Variants in ARHGAP31 observed in about 807,000 individuals in gnomAD.
ARHGAP31 encodes the protein Rho GTPase activating protein 31, also known as rho GTPase-activating protein 31.
In ARHGAP31, 34 loss-of-function variants were observed where a neutral mutation model predicts 113.9. The observed-to-expected ratio is 0.30, with a 90% CI of 0.23 to 0.40. ARHGAP31 has a LOEUF of 0.40. ARHGAP31 is among the 10% of genes least tolerant of loss of function. The pLI, the probability that ARHGAP31 is intolerant of heterozygous loss-of-function variation, is 1.00. For synonymous variants in ARHGAP31, 650 were observed against 684.8 expected (o/e 0.95, Z 0.79); for missense variants, 1,548 against 1,767.1 (o/e 0.88, Z 2.22).
intron 1 of ARHGAP31, among the ~76,000 whole-genome samples, chr3:119,309,875 C>T (rs552695491): frequency 2.0e-5 from 3 of 151,722 alleles, no homozygotes; most frequent in South Asian, 4.2e-4. Context: ...CACCATTTAG[C>T]GAGAGCACTT....
At chr3:119,334,222 T>G (rs1222747999) in intron 1 of ARHGAP31, among the ~76,000 whole-genome samples, 1 of 152,118 alleles carries the variant, frequency 6.6e-6, no homozygotes, top group African/African-American at 2.4e-5. Flanking sequence ...ATCTCCTGTT[T>G]GGCTTGCCGT....
intron 1 of ARHGAP31, among the ~76,000 whole-genome samples, chr3:119,334,841 C>T (rs77175540): frequency 0.019 from 2,905 of 152,248 alleles, 61 homozygotes; most frequent in East Asian, 0.11. Context: ...AACTGAGGCC[C>T]AGAGAAGTTA....
Position 119,415,505 on chromosome 3 carries a change from C to G in ARHGAP31, c.3576C>G (p.Val1192=), listed in dbSNP as rs1322254665. 2 of 1,614,014 alleles carry G rather than the reference C, an allele frequency of 1.2e-6. No individual in the cohort carries two copies. Among genetic ancestry groups the G allele is most frequent in the African/African-American group, 1.3e-5 (1 of 74,926 alleles). Residue 1192 remains valine (V), a synonymous_variant, in exon 12 of 12, where the codon GTC becomes GTG. Transcript: ENST00000264245. ...SVSAVRTSFM[V]KMCQARAVPV... ...CAGCTGTGAGAACCTCCTTCATGGT[C>G]AAAATGTGCCAGGCCAGGGCGGTCC...
intron 1 of ARHGAP31, among the ~76,000 whole-genome samples, chr3:119,361,253 A>T (rs2080203624): frequency 6.6e-6 from 1 of 151,598 alleles, no homozygotes. Flanking sequence ...AATTCTCAAC[A>T]CTCCTACCAC....
intron 3 of ARHGAP31, among the ~76,000 whole-genome samples, chr3:119,379,161 C>T (rs2080374421): frequency 6.6e-6 from 1 of 152,256 alleles, no homozygotes; most frequent in South Asian, 2.1e-4. Flanking sequence ...GTGTGCCAGG[C>T]ACTGTTCTGG....
intron 2 of ARHGAP31, 71 bp from the exon 3 acceptor site, chr3:119,368,301 G>T: frequency 6.3e-7 from 1 of 1,596,778 alleles, no homozygotes; most frequent in East Asian, 2.2e-5. Flanking sequence ...TTACCCCTAA[G>T]CAGCCAAGCA....
At chr3:119,404,444 A>AG (rs1368526924) in intron 10 of ARHGAP31, among the ~76,000 whole-genome samples, 1 of 152,138 alleles carries the variant, frequency 6.6e-6, no homozygotes, top group African/African-American at 2.4e-5. Flanking sequence ...TGAGGGTGGA[A>AG]GGGGGCTGCT....
intron 1 of ARHGAP31, among the ~76,000 whole-genome samples, chr3:119,296,862 T>A (rs1354184343): frequency 6.6e-6 from 1 of 152,086 alleles, no homozygotes; most frequent in African/African-American, 2.4e-5. Flanking sequence ...CTGCCTGAGG[T>A]TGTACAGCTA....
intron 1 of ARHGAP31, among the ~76,000 whole-genome samples, chr3:119,358,635 C>T (rs573890003): frequency 1.3e-5 from 2 of 152,226 alleles, no homozygotes; most frequent in East Asian, 3.9e-4. Context: ...AAAATGAAGG[C>T]TTTATTTGGA....
chr3:119,383,462 T>C (rs2080420934), intron 6 of ARHGAP31, among the ~76,000 whole-genome samples: 1 of 152,240 alleles, frequency 6.6e-6, no homozygotes, highest in African/African-American at 2.4e-5. Context: ...GTTACATACA[T>C]GGCCTATCCT....
intron 1 of ARHGAP31, among the ~76,000 whole-genome samples, chr3:119,308,582 CAT>C (rs1350202594): frequency 6.6e-6 from 1 of 152,214 alleles, no homozygotes; most frequent in African/African-American, 2.4e-5. Context: ...TTCAATGACT[CAT>C]GTGATCAGGT....
intron 1 of ARHGAP31, among the ~76,000 whole-genome samples, chr3:119,321,049 CCT>C (rs1188412984): frequency 1.3e-5 from 2 of 152,080 alleles, no homozygotes; most frequent in African/African-American, 4.8e-5. Context: ...GTTCATTAAA[CCT>C]CTTTCTTTTG....
chr3:119,407,547 C>T (rs913816522), intron 10 of ARHGAP31, among the ~76,000 whole-genome samples: 3 of 152,090 alleles, frequency 2.0e-5, no homozygotes, highest in Non-Finnish European at 2.9e-5. Flanking sequence ...TATCTGTTTA[C>T]ATATGCAAAA....
rs1351379090 is a variant in ARHGAP31 at position 119,419,691 on chromosome 3, T to C, written c.*3427T>C. On this transcript the variant is annotated 3_prime_UTR_variant, in exon 12 of 12. Transcript: ENST00000264245. Reference sequence around the variant, plus strand: ...CAACAAGCATCTTTTAATAGGATAGTTGACGGTATTCAAGTGACCTACTGA... The same window carrying C: ...CAACAAGCATCTTTTAATAGGATAGCTGACGGTATTCAAGTGACCTACTGA... The C allele has an allele frequency of 1.3e-5, 2 of 152,204 alleles. No homozygotes were observed. Among genetic ancestry groups the C allele is most frequent in the Non-Finnish European group, 2.9e-5 (2 of 68,042 alleles). The allele number at this position is 152,204 out of a possible 1,614,324, so 9.4% of individuals were successfully genotyped here.
chr3:119,324,149 T>TA (rs1348727555), intron 1 of ARHGAP31, among the ~76,000 whole-genome samples: 1 of 152,236 alleles, frequency 6.6e-6, no homozygotes, highest in African/African-American at 2.4e-5. Context: ...GCAAGATTAT[T>TA]ACAGTAGCGC....
chr3:119,382,472 A>T lies in ARHGAP31; in HGVS notation c.539+73A>T, dbSNP rs574684928. 4 of 1,421,492 alleles carry T rather than the reference A, an allele frequency of 2.8e-6. No individual in the cohort carries two copies. The African/African-American group carries it at 5.7e-5, about 20-fold the overall frequency. 88.1% of individuals were successfully genotyped at this position (1,421,492 alleles called of 1,614,324 possible). On this transcript the variant is annotated intron_variant, in intron 5 of 11. Transcript: ENST00000264245. Reference sequence around the variant, plus strand: ...AGCCCCCGATTGAAATGAAGATTGGATTCTTCAAATTGAAGCCCCTTTAAA... The same window carrying T: ...AGCCCCCGATTGAAATGAAGATTGGTTTCTTCAAATTGAAGCCCCTTTAAA...
chr3:119,388,285 T>C (rs1318459394), intron 6 of ARHGAP31, among the ~76,000 whole-genome samples: 1 of 131,522 alleles, frequency 7.6e-6, no homozygotes, highest in Non-Finnish European at 1.6e-5. Context: ...TATGTATACA[T>C]ATAATATGTA....
chr3:119,409,920 T>G, intron 11 of ARHGAP31, 144 bp downstream of exon 11: 1 of 862,094 alleles, frequency 1.2e-6, no homozygotes, highest in Non-Finnish European at 1.8e-6. Flanking sequence ...AAACTTGTAA[T>G]GAAGGTCTGA....
intron 1 of ARHGAP31, among the ~76,000 whole-genome samples, chr3:119,354,147 G>C (rs2080135728): frequency 2.0e-5 from 3 of 152,238 alleles, no homozygotes; most frequent in African/African-American, 7.2e-5. Flanking sequence ...TTGCTCAGCA[G>C]GATAGCAGAG....
Sources: gnomAD v4.1 joint callset for allele counts (sites outside exome capture counted in the v4.1 genomes callset) on GRCh38, gnomAD v4.1.1 for gene constraint, MANE v1.5 for transcripts, NCBI Gene and HGNC (gene_info 2026-07-23, HGNC 2026-07-21) for gene names.